Variants in SSBP2 observed in about 807,000 individuals in gnomAD.
SSBP2 encodes single stranded DNA binding protein 2, also known as single-stranded DNA-binding protein 2.
In SSBP2, 17 loss-of-function variants were observed where a neutral mutation model predicts 61.8. That is an observed-to-expected ratio of 0.28 (90% CI 0.19 to 0.41). The LOEUF (loss-of-function observed/expected upper bound fraction) is 0.41, where lower values mean the gene tolerates loss of function less well. Ranked by LOEUF, SSBP2 falls within the 10% of genes least tolerant of loss-of-function variation. The pLI is 1.00. For synonymous variants in SSBP2, 139 were observed against 141.3 expected (o/e 0.98, Z 0.12); for missense variants, 310 against 458.7 (o/e 0.68, Z 2.96).
intron 12 of SSBP2, among the ~76,000 whole-genome samples, chr5:81,445,138 T>TATTTATATATA (rs1453692261): frequency 1.5e-4 from 5 of 33,896 alleles, no homozygotes; most frequent in Non-Finnish European, 2.6e-4. Context: ...AAAAAAAATT[T>TATTTATATATA]TATATATATA....
chr5:81,751,397 G>A (rs1476171755), upstream of SSBP2: 2 of 385,806 alleles, frequency 5.2e-6, no homozygotes, highest in Admixed American at 8.4e-5. Flanking sequence ...AACTGCTCTA[G>A]AAGGATTTTA....
At chr5:81,684,033 C>T (rs1395843359) in intron 1 of SSBP2, among the ~76,000 whole-genome samples, 1 of 152,180 alleles carries the variant, frequency 6.6e-6, no homozygotes, top group East Asian at 1.9e-4. Context: ...CTTTGGAGGA[C>T]AATTTGGTAG....
chr5:81,587,741 ACACACGCACACACACGCGCGCG>A (rs1258968146), intron 4 of SSBP2, among the ~76,000 whole-genome samples: 1 of 130,388 alleles, frequency 7.7e-6, no homozygotes, highest in Admixed American at 8.3e-5. Flanking sequence ...AAACATACAC[ACACACGCACACACACGCGCGCG>A]CACACACACA....
At chr5:81,739,238 G>C (rs1581454720) in intron 1 of SSBP2, among the ~76,000 whole-genome samples, 1 of 143,430 alleles carries the variant, frequency 7.0e-6, no homozygotes, top group Non-Finnish European at 1.5e-5. Flanking sequence ...GGCTGTTCTT[G>C]AAATAGTTCG....
chr5:81,445,187 T>A (rs1330628583), intron 12 of SSBP2, among the ~76,000 whole-genome samples: 1 of 126,424 alleles, frequency 7.9e-6, no homozygotes, highest in Non-Finnish European at 1.7e-5. Context: ...TGTATGTATT[T>A]ACTGGAAAAT....
intron 1 of SSBP2, among the ~76,000 whole-genome samples, chr5:81,704,217 G>A (rs1474843582): frequency 6.6e-6 from 1 of 152,200 alleles, no homozygotes; most frequent in African/African-American, 2.4e-5. Context: ...TACGATTGGT[G>A]AGGAGTATGG....
In SSBP2 at chr5:81,601,869, C is replaced by A. The variant is rs374662607; in HGVS notation, c.282+13604G>T. Among the ~76,000 whole-genome samples, 4 of 152,258 alleles carry A rather than the reference C, an allele frequency of 2.6e-5. No homozygotes were observed. In the East Asian group the frequency reaches 7.7e-4, roughly 29 times the overall value. Reference sequence around the variant, plus strand: ...TCTGAAGACCTGTGAACTAAAGACACAAATCATCTGCCTCCCACATATTCA... The same window carrying A: ...TCTGAAGACCTGTGAACTAAAGACAAAAATCATCTGCCTCCCACATATTCA... On this transcript the variant is annotated intron_variant, in intron 4 of 16. Transcript: ENST00000320672.
At chr5:81,639,032 A>G (rs1748521824) in intron 2 of SSBP2, among the ~76,000 whole-genome samples, 2 of 152,022 alleles carry the variant, frequency 1.3e-5, no homozygotes, top group African/African-American at 4.8e-5. Flanking sequence ...AAGGTATTTC[A>G]GGATCTTAAG....
intron 1 of SSBP2, among the ~76,000 whole-genome samples, chr5:81,688,304 C>T (rs2153829715): frequency 6.6e-6 from 1 of 152,356 alleles, no homozygotes; most frequent in Non-Finnish European, 1.5e-5. Context: ...CAGGCCCTGG[C>T]TGCTGAATGG....
At chr5:81,630,878 G>T (rs1440567073) in intron 3 of SSBP2, among the ~76,000 whole-genome samples, 1 of 151,880 alleles carries the variant, frequency 6.6e-6, no homozygotes, top group Non-Finnish European at 1.5e-5. Context: ...AGAAAGAGGT[G>T]TAAGAAACAA....
At chr5:81,739,872 G>A (rs966560022) in intron 1 of SSBP2, among the ~76,000 whole-genome samples, 2 of 152,026 alleles carry the variant, frequency 1.3e-5, no homozygotes, top group African/African-American at 4.8e-5. Flanking sequence ...AACCCTTTAA[G>A]AGAGCCATTC....
At chr5:81,538,548 T>C (rs1770995801) in intron 4 of SSBP2, among the ~76,000 whole-genome samples, 1 of 152,132 alleles carries the variant, frequency 6.6e-6, no homozygotes, top group Non-Finnish European at 1.5e-5. Flanking sequence ...TATTGAAAGA[T>C]GCCATGTAGA....
In SSBP2 at chr5:81,658,048, G is replaced by C. The variant is rs1158407814; in HGVS notation, c.63-7709C>G. 2.0e-5 allele frequency among the ~76,000 whole-genome samples: 3 copies of C among 152,070 alleles called. No homozygotes were observed. The East Asian group carries it at 5.8e-4, about 29-fold the overall frequency. On this transcript the variant is annotated intron_variant, in intron 1 of 16. Transcript: ENST00000320672. ...ATTGCCTCAAATATTTATCTTTTCT[G>C]TGTGTGGTGAGAACACTTAAAATCT...
intron 2 of SSBP2, among the ~76,000 whole-genome samples, chr5:81,647,929 A>G (rs1749406928): frequency 6.6e-6 from 1 of 152,130 alleles, no homozygotes; most frequent in African/African-American, 2.4e-5. Flanking sequence ...GTCCTTGAAT[A>G]AGTTAGCAAC....
chr5:81,513,393 T>C (rs1460670074), intron 5 of SSBP2, among the ~76,000 whole-genome samples: 2 of 152,150 alleles, frequency 1.3e-5, no homozygotes, highest in Non-Finnish European at 2.9e-5. Context: ...TCTCAATTCC[T>C]TTTCTTTCTT....
chr5:81,644,354 C>T (rs1250531663), intron 2 of SSBP2, among the ~76,000 whole-genome samples: 1 of 152,136 alleles, frequency 6.6e-6, no homozygotes, highest in East Asian at 1.9e-4. Flanking sequence ...AAAACAAATA[C>T]TTGACTTTCT....
intron 4 of SSBP2, among the ~76,000 whole-genome samples, chr5:81,562,754 G>A (rs930267551): frequency 9.2e-5 from 14 of 152,100 alleles, no homozygotes; most frequent in South Asian, 2.1e-4. Flanking sequence ...TATGGGCAAC[G>A]AATAATCAGA....
At chr5:81,440,304 A>G (rs1381869281) in intron 14 of SSBP2, among the ~76,000 whole-genome samples, 2 of 152,196 alleles carry the variant, frequency 1.3e-5, no homozygotes, top group African/African-American at 4.8e-5. Context: ...CTTTTATGGT[A>G]AGACATGAGA....
intron 14 of SSBP2, among the ~76,000 whole-genome samples, chr5:81,439,366 A>G (rs1040993204): frequency 4.6e-5 from 7 of 152,178 alleles, no homozygotes; most frequent in African/African-American, 7.2e-5. Flanking sequence ...CAAAACAAAT[A>G]TAACTATAGT....
Sources: gnomAD v4.1 joint callset for allele counts (sites outside exome capture counted in the v4.1 genomes callset) on GRCh38, gnomAD v4.1.1 for gene constraint, MANE v1.5 for transcripts, NCBI Gene and HGNC (gene_info 2026-07-23, HGNC 2026-07-21) for gene names.